PARD3B: variants seen among roughly 807,000 people sequenced by gnomAD.
The protein encoded by PARD3B is par-3 family cell polarity regulator beta, also known as partitioning defective 3 homolog B.
A neutral mutation model predicts 130.2 loss-of-function variants in PARD3B; 103 were observed. The ratio of observed to expected loss-of-function variants is 0.79; its 90% CI spans 0.67 to 0.93. PARD3B has a LOEUF of 0.93. Among genes scored for constraint, PARD3B ranks in the 40% least tolerant of loss-of-function variants. The pLI is 0.00. For synonymous variants in PARD3B, 583 were observed against 553.2 expected, an observed-to-expected ratio of 1.05 and a Z score of -0.76; for missense variants, 1,609 against 1,499.2, an observed-to-expected ratio of 1.07 and a Z score of -1.21.
rs1359066067 is a variant in PARD3B, at chr2:205,274,658, A to G, written c.2186-25872A>G. Among the ~76,000 whole-genome samples, 1 of 152,076 alleles carries G rather than the reference A, an allele frequency of 6.6e-6. No individual in the cohort carries two copies. The highest frequency in any genetic ancestry group is 1.5e-5 in the Non-Finnish European group (1 of 67,998). On this transcript the variant is annotated intron_variant, in intron 16 of 22. Transcript: ENST00000406610. This position sits in a 1 kb window ranked among gnomAD's most constrained non-coding sequence, Gnocchi z 4.2. ...GAATATTATCTATCTGAATATTAAT[A>G]TCAATTATCTACCTGAATATTTCTA...
chr2:205,412,491 A>G (rs888575596), intron 19 of PARD3B, among the ~76,000 whole-genome samples: 1 of 152,238 alleles, frequency 6.6e-6, no homozygotes, highest in Non-Finnish European at 1.5e-5. Flanking sequence ...TTATTAAATT[A>G]TGACAGGTTG....
intron 2 of PARD3B, among the ~76,000 whole-genome samples, chr2:204,935,638 C>A (rs1359062344): frequency 1.3e-5 from 2 of 151,530 alleles, no homozygotes; most frequent in Admixed American, 6.6e-5. Flanking sequence ...AAATTTTATC[C>A]TTCTGTTCTT....
At chr2:204,711,160 G>A (rs73984279) in intron 2 of PARD3B, among the ~76,000 whole-genome samples, 1 of 152,090 alleles carries the variant, frequency 6.6e-6, no homozygotes, top group African/African-American at 2.4e-5. Flanking sequence ...TATTTTGTAT[G>A]TTCTGATAAC....
chr2:205,248,667 C>T (rs1473980321), intron 16 of PARD3B, among the ~76,000 whole-genome samples: 35 of 129,620 alleles, frequency 2.7e-4, no homozygotes, highest in African/African-American at 9.0e-4. Flanking sequence ...AGTGCAGTGG[C>T]GCGATCTAGG....
chr2:204,783,324 C>T (rs1461874772), intron 2 of PARD3B, among the ~76,000 whole-genome samples: 7 of 152,092 alleles, frequency 4.6e-5, no homozygotes, highest in Non-Finnish European at 1.0e-4. Context: ...AGTCATCTTG[C>T]TGTGTCCTTA....
intron 3 of PARD3B, among the ~76,000 whole-genome samples, chr2:205,029,924 G>C (rs936258785): frequency 1.3e-5 from 2 of 152,122 alleles, no homozygotes; most frequent in African/African-American, 4.8e-5. Context: ...AACCTGCTAT[G>C]GAGCATCCTC....
At chr2:205,124,515 A>G (rs756058131) in intron 9 of PARD3B, 49 bp downstream of exon 9, 11 of 1,408,374 alleles carry the variant, frequency 7.8e-6, no homozygotes, top group African/African-American at 2.9e-5. Flanking sequence ...TGGCATTTAA[A>G]TAATGCCATT....
At position 204,545,831 on chromosome 2, in the gene PARD3B, G is replaced by C; in HGVS notation, c.-169G>C. The C allele has an allele frequency of 1.5e-6, 1 of 669,262 alleles. No homozygotes were observed. The highest frequency in any genetic ancestry group is 2.2e-6 in the Non-Finnish European group (1 of 447,110). 41.5% of individuals were successfully genotyped at this position (669,262 alleles called of 1,614,324 possible). ...CCCGATTCCCGCCACCTGCCGCCTG[G>C]CCAGGTGGAAGGGGCGCTGCCGCGA... On this transcript the variant is annotated 5_prime_UTR_variant, in exon 1 of 23. Coordinates refer to ENST00000406610, the MANE Select transcript of PARD3B (RefSeq NM_001302769.2).
rs766162361 is a variant in PARD3B at position 205,499,907 on chromosome 2, C to T, written c.3056C>T (p.Thr1019Met). ...TCTATATCCTGTAGTGGCCGTCCTA[C>T]GGGTGGAAGCACTGACCGTATCCAG... is the stretch of plus-strand genomic sequence containing the variant. ...PLVPADSGRPTGGSTDRIQKL... is the reference protein window; with the variant it reads ...PLVPADSGRPMGGSTDRIQKL... Residue 1019 changes from threonine (T) to methionine (M), a missense_variant, in exon 21 of 23, where the codon ACG (threonine) becomes ATG (methionine). Transcript: ENST00000406610. The T allele has an allele frequency of 1.5e-5, 24 of 1,613,408 alleles. No homozygotes were observed. Among genetic ancestry groups the T allele is most frequent in the South Asian group, 4.4e-5 (4 of 91,044 alleles).
chr2:204,620,671 A>C (rs1187020441), intron 1 of PARD3B, among the ~76,000 whole-genome samples: 1 of 152,180 alleles, frequency 6.6e-6, no homozygotes, highest in Non-Finnish European at 1.5e-5. Context: ...GTTAACAATA[A>C]AAAGCATGTA....
At chr2:204,876,696 C>T (rs529136371) in intron 2 of PARD3B, among the ~76,000 whole-genome samples, 3 of 152,120 alleles carry the variant, frequency 2.0e-5, no homozygotes, top group Non-Finnish European at 4.4e-5. Context: ...AATCCAGCTT[C>T]CTTGTTTTCC....
chr2:204,773,161 G>C (rs1248578179), intron 2 of PARD3B, among the ~76,000 whole-genome samples: 1 of 151,760 alleles, frequency 6.6e-6, no homozygotes, highest in African/African-American at 2.4e-5. Context: ...GGCTTATTGA[G>C]TATTTTGCTT....
chr2:204,875,218 A>G (rs2045790542), intron 2 of PARD3B, among the ~76,000 whole-genome samples: 1 of 152,212 alleles, frequency 6.6e-6, no homozygotes. Context: ...TAATCACCTC[A>G]GAAACAAGCC....
At chr2:204,619,705 C>G (rs1187129647) in intron 1 of PARD3B, among the ~76,000 whole-genome samples, 1 of 152,082 alleles carries the variant, frequency 6.6e-6, no homozygotes, top group Non-Finnish European at 1.5e-5. Context: ...ACCAGGCGTG[C>G]CCTACACAAG....
chr2:204,862,304 T>A (rs914277920), intron 2 of PARD3B, among the ~76,000 whole-genome samples: 3 of 152,194 alleles, frequency 2.0e-5, no homozygotes, highest in African/African-American at 7.2e-5. Flanking sequence ...CACATCACTT[T>A]ACCTCCCTGG....
At chr2:205,084,036 T>G (rs1029140301) in intron 4 of PARD3B, among the ~76,000 whole-genome samples, 2 of 152,126 alleles carry the variant, frequency 1.3e-5, no homozygotes, top group African/African-American at 4.8e-5. Flanking sequence ...ACAAAAGTAG[T>G]GAATAATTCT....
chr2:204,755,239 A>G (rs1358400016), intron 2 of PARD3B, among the ~76,000 whole-genome samples: 1 of 152,168 alleles, frequency 6.6e-6, no homozygotes, highest in Non-Finnish European at 1.5e-5. Context: ...GTGAATAGGA[A>G]GTATGGCAGT....
At position 205,558,935 on chromosome 2, in the gene PARD3B, C is replaced by T. The variant is rs1436649045; in HGVS notation, c.3260+5532C>T. Among the ~76,000 whole-genome samples, 2 of 152,192 alleles carry T rather than the reference C, an allele frequency of 1.3e-5. No individual in the cohort carries two copies. Among genetic ancestry groups the T allele is most frequent in the East Asian group, 3.8e-4 (2 of 5,204 alleles). The stretch of plus-strand genomic sequence containing the variant: ...TGGATTATTCTCCACTGCCCCTTTC[C>T]ACCCCATTGAAATATAAATTCCTTG... On this transcript the variant is annotated intron_variant, in intron 22 of 22. Transcript: ENST00000406610. This position sits in a 1 kb window ranked among gnomAD's most constrained non-coding sequence, Gnocchi z 4.8.
At chr2:205,542,194 A>C (rs2052178229) in intron 21 of PARD3B, among the ~76,000 whole-genome samples, 1 of 148,974 alleles carries the variant, frequency 6.7e-6, no homozygotes, top group Non-Finnish European at 1.5e-5. Context: ...GGGATCCATA[A>C]AATTTTTAAT....
Sources: allele counts gnomAD v4.1 joint callset (sites outside exome capture counted in the v4.1 genomes callset), GRCh38; gene constraint gnomAD v4.1.1; non-coding constraint Gnocchi (gnomAD v3.1); transcripts MANE v1.5; gene names NCBI Gene and HGNC (gene_info 2026-07-23, HGNC 2026-07-21).